Variants in FHIP1A observed in about 807,000 individuals in gnomAD.
FHIP1A encodes the protein FHF complex subunit HOOK-interacting protein 1A.
FHIP1A carries 61 observed loss-of-function variants against 88.6 expected under a neutral mutation model. The ratio of observed to expected loss-of-function variants is 0.69; its 90% CI spans 0.56 to 0.85. FHIP1A has a LOEUF of 0.85. Ranked by LOEUF, FHIP1A falls within the 40% of genes least tolerant of loss-of-function variation. The pLI, the probability that FHIP1A is intolerant of heterozygous loss-of-function variation, is 0.00. For missense variants in FHIP1A, 1,154 were observed against 1,273.5 expected, an observed-to-expected ratio of 0.91 and a Z score of 1.43; for synonymous variants, 478 against 496.0, an observed-to-expected ratio of 0.96 and a Z score of 0.48.
chr4:151,645,187 A>G (rs1736744104), intron 9 of FHIP1A, among the ~76,000 whole-genome samples: 1 of 152,188 alleles, frequency 6.6e-6, no homozygotes, highest in East Asian at 1.9e-4. Context: ...TACTGACAGC[A>G]GGTTCAAAAT....
intron 7 of FHIP1A, among the ~76,000 whole-genome samples, chr4:151,591,627 C>T (rs1458054066): frequency 2.6e-5 from 4 of 152,262 alleles, no homozygotes; most frequent in African/African-American, 7.2e-5. Flanking sequence ...TGACAGGCCC[C>T]GGTGTGTGAT....
intron 2 of FHIP1A, among the ~76,000 whole-genome samples, chr4:151,464,998 G>C (rs1398278637): frequency 6.6e-6 from 1 of 152,106 alleles, no homozygotes; most frequent in African/African-American, 2.4e-5. Flanking sequence ...TTTGAGGCCA[G>C]GAATTTGAGA....
chr4:151,532,502 C>T (rs17027663), intron 3 of FHIP1A, among the ~76,000 whole-genome samples: 48,017 of 152,070 alleles, frequency 0.32, 11,445 homozygotes, highest in African/African-American at 0.64. Flanking sequence ...GGAAGGTTAG[C>T]GTATGCTCCT....
intron 3 of FHIP1A, among the ~76,000 whole-genome samples, chr4:151,496,521 C>T (rs1341550125): frequency 6.6e-6 from 1 of 151,758 alleles, no homozygotes; most frequent in Non-Finnish European, 1.5e-5. Context: ...TATTCACAGA[C>T]CCTATAGTCA....
chr4:151,594,098 C>T (rs558850777), intron 7 of FHIP1A, among the ~76,000 whole-genome samples: 11 of 152,090 alleles, frequency 7.2e-5, no homozygotes, highest in Non-Finnish European at 1.6e-4. Flanking sequence ...GCCTTGCATC[C>T]CAGGGATGAA....
intron 3 of FHIP1A, among the ~76,000 whole-genome samples, chr4:151,501,402 G>A (rs569483999): frequency 2.1e-4 from 32 of 151,938 alleles, no homozygotes; most frequent in African/African-American, 6.3e-4. Flanking sequence ...TAGAAACACC[G>A]ATGTACAAGT....
chr4:151,499,442 A>C (rs1447481489), intron 3 of FHIP1A, among the ~76,000 whole-genome samples: 4 of 152,312 alleles, frequency 2.6e-5, no homozygotes, highest in Non-Finnish European at 4.4e-5. Flanking sequence ...GAACTACTCT[A>C]TCTGATGATT....
intron 3 of FHIP1A, among the ~76,000 whole-genome samples, chr4:151,484,614 G>C (rs1304464734): frequency 6.6e-6 from 1 of 152,168 alleles, no homozygotes; most frequent in African/African-American, 2.4e-5. Context: ...GTGGAAAATG[G>C]GTTTGAAGAT....
At chr4:151,547,654 C>T (rs1732555018) in intron 3 of FHIP1A, among the ~76,000 whole-genome samples, 2 of 152,172 alleles carry the variant, frequency 1.3e-5, no homozygotes, top group Admixed American at 6.5e-5. Flanking sequence ...TGGCTCATGC[C>T]TGTAATCCCA....
chr4:151,549,712 C>T (rs1277589475), intron 3 of FHIP1A, among the ~76,000 whole-genome samples: 1 of 152,098 alleles, frequency 6.6e-6, no homozygotes, highest in African/African-American at 2.4e-5. Context: ...TCTTAATAAA[C>T]TTGCTTACAC....
intron 2 of FHIP1A, among the ~76,000 whole-genome samples, chr4:151,481,746 A>G (rs192217846): frequency 2.0e-5 from 3 of 152,186 alleles, no homozygotes; most frequent in African/African-American, 7.2e-5. Flanking sequence ...GTGATATCAA[A>G]TAGTGGCTTC....
chr4:151,483,686 T>A (rs1466452141), intron 3 of FHIP1A, among the ~76,000 whole-genome samples: 1 of 152,168 alleles, frequency 6.6e-6, no homozygotes, highest in Non-Finnish European at 1.5e-5. Context: ...TTCTGTTCTA[T>A]ACCATGGTAG....
intron 3 of FHIP1A, among the ~76,000 whole-genome samples, chr4:151,540,055 C>A (rs1732227557): frequency 6.6e-6 from 1 of 152,160 alleles, no homozygotes. Flanking sequence ...CAACTTTGAC[C>A]TTCAATCAGC....
intron 7 of FHIP1A, among the ~76,000 whole-genome samples, chr4:151,591,799 ATATTCCATGGTG>A (rs921843740): frequency 2.2e-4 from 33 of 152,134 alleles, no homozygotes; most frequent in African/African-American, 5.1e-4. Flanking sequence ...TTATGGCTGC[ATATTCCATGGTG>A]TATTCCATGG....
intron 2 of FHIP1A, among the ~76,000 whole-genome samples, chr4:151,473,143 C>T (rs1729584538): frequency 6.6e-6 from 1 of 152,000 alleles, no homozygotes; most frequent in Admixed American, 6.6e-5. Flanking sequence ...CAGTCAGTGC[C>T]TTTTCCTTTT....
At chr4:151,511,370 C>T (rs141427949) in intron 3 of FHIP1A, among the ~76,000 whole-genome samples, 2,143 of 152,246 alleles carry the variant, frequency 0.014, 54 homozygotes, top group East Asian at 0.12. Context: ...AGAAGACGGG[C>T]GATTTCTGCA....
At chr4:151,553,526 G>C (rs185738119) in intron 3 of FHIP1A, among the ~76,000 whole-genome samples, 1 of 151,964 alleles carries the variant, frequency 6.6e-6, no homozygotes, top group Non-Finnish European at 1.5e-5. Flanking sequence ...CTTTTAACTC[G>C]TAGGATAATC....
At chr4:151,611,099 G>A (rs1015604628) in intron 7 of FHIP1A, among the ~76,000 whole-genome samples, 2 of 152,150 alleles carry the variant, frequency 1.3e-5, no homozygotes, top group African/African-American at 2.4e-5. Context: ...GTGTGTGTGT[G>A]TATGTAGCTA....
intron 9 of FHIP1A, among the ~76,000 whole-genome samples, 193 bp from the exon 10 acceptor site, chr4:151,646,365 T>G (rs1472372611): frequency 6.6e-6 from 1 of 152,192 alleles, no homozygotes; most frequent in Admixed American, 6.5e-5. Context: ...TTAAGTGCTT[T>G]GCAAAGAGGT....
Sources: allele counts gnomAD v4.1 joint callset (sites outside exome capture counted in the v4.1 genomes callset), GRCh38; gene constraint gnomAD v4.1.1; transcripts MANE v1.5; gene names NCBI Gene and HGNC (gene_info 2026-07-23, HGNC 2026-07-21).